Variants in TM9SF3 observed in about 807,000 individuals in gnomAD.
The protein encoded by TM9SF3 is SM-11044-binding protein.
TM9SF3 carries 14 observed loss-of-function variants against 78.6 expected under a neutral mutation model. The ratio of observed to expected loss-of-function variants is 0.18; its 90% CI spans 0.12 to 0.28. The LOEUF (loss-of-function observed/expected upper bound fraction) is 0.28, where lower values mean the gene tolerates loss of function less well. Ranked by LOEUF, TM9SF3 falls within the 10% of genes least tolerant of loss-of-function variation. The pLI, the probability that TM9SF3 is intolerant of heterozygous loss-of-function variation, is 1.00. For missense variants in TM9SF3, 496 were observed against 721.9 expected, an observed-to-expected ratio of 0.69 and a Z score of 3.59; for synonymous variants, 231 against 241.7, an observed-to-expected ratio of 0.96 and a Z score of 0.41.
At chr10:96,586,363 T>TG (rs1848629541) in intron 1 of TM9SF3, among the ~76,000 whole-genome samples, 1 of 152,196 alleles carries the variant, frequency 6.6e-6, no homozygotes, top group East Asian at 1.9e-4. Flanking sequence ...TCTCCTTCCC[T>TG]GGGGGGCAAA....
At chr10:96,580,106 T>C (rs889729982) in intron 1 of TM9SF3, among the ~76,000 whole-genome samples, 1 of 152,204 alleles carries the variant, frequency 6.6e-6, no homozygotes, top group African/African-American at 2.4e-5. Context: ...GAGGCTTCCC[T>C]GGGAAACGGC....
intron 6 of TM9SF3, 63 bp from the exon 7 acceptor site, chr10:96,551,474 G>A: frequency 8.1e-7 from 1 of 1,236,880 alleles, no homozygotes; most frequent in South Asian, 2.3e-5. Context: ...CTAAAACATA[G>A]TATGTAAAAA....
chr10:96,522,865 A>G (rs761323396), intron 14 of TM9SF3, among the ~76,000 whole-genome samples: 5 of 151,826 alleles, frequency 3.3e-5, no homozygotes, highest in African/African-American at 1.2e-4. Flanking sequence ...GAAGCTGTGT[A>G]GTTGGTAGTA....
chr10:96,533,284 A>C, intron 9 of TM9SF3, 94 bp from the exon 10 acceptor site: 1 of 1,433,982 alleles, frequency 7.0e-7, no homozygotes. Context: ...ATTTGACCAC[A>C]AAAGAAAATG....
intron 10 of TM9SF3, among the ~76,000 whole-genome samples, chr10:96,531,709 A>G (rs1484832917): frequency 2.6e-5 from 4 of 152,102 alleles, no homozygotes; most frequent in Admixed American, 1.3e-4. Context: ...TATACTCCCC[A>G]AAACAGAGGC....
chr10:96,582,247 A>G (rs1848578330), intron 1 of TM9SF3, among the ~76,000 whole-genome samples: 1 of 152,334 alleles, frequency 6.6e-6, no homozygotes, highest in South Asian at 2.1e-4. Flanking sequence ...ATCTTTACAT[A>G]TTATAACTAT....
intron 9 of TM9SF3, among the ~76,000 whole-genome samples, chr10:96,534,647 G>T (rs1459965245): frequency 6.6e-6 from 1 of 152,172 alleles, no homozygotes; most frequent in Non-Finnish European, 1.5e-5. Context: ...TGGTCTAGAA[G>T]AATGGTTTTC....
intron 1 of TM9SF3, among the ~76,000 whole-genome samples, chr10:96,579,155 T>C (rs1012519299): frequency 2.6e-5 from 4 of 152,202 alleles, no homozygotes; most frequent in Non-Finnish European, 5.9e-5. Flanking sequence ...TGCTGAAATG[T>C]AAAGTTCATT....
In TM9SF3 at chr10:96,520,638, T is replaced by C. The variant is rs1297091270; in HGVS notation, c.*1625A>G. 2.7e-6 allele frequency: 1 copy of C among 366,542 alleles called. No individual in the cohort carries two copies. Among genetic ancestry groups the C allele is most frequent in the Non-Finnish European group, 4.9e-6 (1 of 205,182 alleles). 22.7% of individuals were successfully genotyped at this position (366,542 alleles called of 1,614,324 possible). On this transcript the variant is annotated 3_prime_UTR_variant, in exon 15 of 15. Transcript: ENST00000371142. Reference sequence around the variant, plus strand: ...TCAGTGGTTCTAGGAAAACTTCATATTATGAATAGTTCCAGAAAAATGTAT... The same window carrying C: ...TCAGTGGTTCTAGGAAAACTTCATACTATGAATAGTTCCAGAAAAATGTAT...
chr10:96,570,008 C>A (rs1412869923), intron 2 of TM9SF3, among the ~76,000 whole-genome samples: 1 of 151,966 alleles, frequency 6.6e-6, no homozygotes, highest in Non-Finnish European at 1.5e-5. Flanking sequence ...AGCAACAGAG[C>A]GAGACTCCGT....
intron 7 of TM9SF3, 96 bp from the exon 8 acceptor site, chr10:96,548,085 C>CT: frequency 1.4e-6 from 1 of 733,952 alleles, no homozygotes; most frequent in South Asian, 2.3e-5. Flanking sequence ...TCAAAGATAA[C>CT]TTTAACAGAA....
chr10:96,548,235 T>G (rs2134141523), intron 7 of TM9SF3, among the ~76,000 whole-genome samples: 1 of 152,302 alleles, frequency 6.6e-6, no homozygotes, highest in South Asian at 2.1e-4. Context: ...TTATGATATA[T>G]TCTAAGCAAG....
chr10:96,530,855 C>T (rs1847886395), intron 10 of TM9SF3, among the ~76,000 whole-genome samples: 1 of 152,208 alleles, frequency 6.6e-6, no homozygotes, highest in Non-Finnish European at 1.5e-5. Context: ...ACACAAATTA[C>T]TGACACTGGC....
chr10:96,586,007 A>T (rs1177395538), intron 1 of TM9SF3, among the ~76,000 whole-genome samples: 1 of 152,216 alleles, frequency 6.6e-6, no homozygotes, highest in African/African-American at 2.4e-5. Flanking sequence ...CCTGACCTGA[A>T]GACTGGGAAA....
chr10:96,566,677 G>T (rs777308635), intron 2 of TM9SF3, among the ~76,000 whole-genome samples: 19 of 152,146 alleles, frequency 1.2e-4, no homozygotes, highest in Non-Finnish European at 2.4e-4. Context: ...GGATTTTCAT[G>T]ATGGCAAAAA....
intron 2 of TM9SF3, among the ~76,000 whole-genome samples, chr10:96,573,610 C>T (rs1330523311): frequency 2.0e-5 from 3 of 152,162 alleles, no homozygotes; most frequent in Non-Finnish European, 4.4e-5. Context: ...ATAAATCCCA[C>T]TTCTTTACCC....
chr10:96,570,821 C>G (rs1848429954), intron 2 of TM9SF3, among the ~76,000 whole-genome samples: 2 of 152,340 alleles, frequency 1.3e-5, no homozygotes, highest in South Asian at 4.1e-4. Context: ...TCTTGGCTCA[C>G]TGCAACCTCT....
intron 2 of TM9SF3, among the ~76,000 whole-genome samples, chr10:96,571,416 C>A (rs1358598982): frequency 6.6e-6 from 1 of 152,142 alleles, no homozygotes; most frequent in East Asian, 1.9e-4. Context: ...TCAGGGACAG[C>A]AGGAATAGCA....
chr10:96,562,414 A>G (rs1317602306), intron 3 of TM9SF3, among the ~76,000 whole-genome samples: 1 of 152,138 alleles, frequency 6.6e-6, no homozygotes, highest in East Asian at 1.9e-4. Flanking sequence ...AGTCTTAGGT[A>G]CTTCTTTATA....
Sources: gnomAD v4.1 joint callset for allele counts (sites outside exome capture counted in the v4.1 genomes callset) on GRCh38, gnomAD v4.1.1 for gene constraint, MANE v1.5 for transcripts, NCBI Gene and HGNC (gene_info 2026-07-23, HGNC 2026-07-21) for gene names.